The following IL1R1 variants were observed in gnomAD, a reference collection of about 807,000 sequenced individuals.
The protein encoded by IL1R1 is interleukin 1 receptor type 1, also known as interleukin-1 receptor type 1.
Under a neutral mutation model 50.2 loss-of-function variants are expected in IL1R1, and 22 were observed. The ratio of observed to expected loss-of-function variants is 0.44; its 90% CI spans 0.31 to 0.63. The LOEUF (loss-of-function observed/expected upper bound fraction) is 0.63, where lower values mean the gene tolerates loss of function less well. Among genes scored for constraint, IL1R1 ranks in the 20% least tolerant of loss-of-function variants. The pLI, the probability that IL1R1 is intolerant of heterozygous loss-of-function variation, is 0.07. For synonymous variants in IL1R1, 251 were observed against 236.7 expected, an observed-to-expected ratio of 1.06 and a Z score of -0.55; for missense variants, 509 against 676.2, an observed-to-expected ratio of 0.75 and a Z score of 2.74.
In IL1R1 at chr2:102,156,957, T is replaced by A. The variant is rs1170921461; in HGVS notation, c.-6-762T>A. Among the ~76,000 whole-genome samples, 3 of 152,222 alleles carry A rather than the reference T, an allele frequency of 2.0e-5. No homozygotes were observed. The East Asian group carries it at 5.8e-4, about 29-fold the overall frequency. ...GCTACGGATAAGAATATAGGCAAAT[T>A]TAATCTCCCGTAAAAATTAAAAGGC... is the stretch of plus-strand genomic sequence containing the variant. On this transcript the variant is annotated intron_variant, in intron 2 of 11. Coordinates refer to ENST00000410023, the MANE Select transcript of IL1R1 (RefSeq NM_000877.4).
At chr2:102,102,757 A>C (rs1249308363), upstream of IL1R1, among the ~76,000 whole-genome samples, 2 of 152,188 alleles carry the variant, frequency 1.3e-5, no homozygotes, top group African/African-American at 4.8e-5. Context: ...CTAAATGTTC[A>C]TCAGTGGTAG....
chr2:102,167,953 GA>G (rs1215146822), intron 6 of IL1R1, among the ~76,000 whole-genome samples: 2 of 151,854 alleles, frequency 1.3e-5, no homozygotes, highest in African/African-American at 2.4e-5. Context: ...ATACATTAGG[GA>G]AAAAAACAGA....
chr2:102,142,280 G>C (rs1435067545), upstream of IL1R1: 3 of 152,142 alleles, frequency 2.0e-5, no homozygotes, highest in Non-Finnish European at 2.9e-5. Flanking sequence ...GGAAACGGAG[G>C]TACAAAGAAA....
chr2:102,155,074 A>G (rs1176740251), intron 2 of IL1R1, among the ~76,000 whole-genome samples: 1 of 152,240 alleles, frequency 6.6e-6, no homozygotes, highest in Non-Finnish European at 1.5e-5. Context: ...TTTTGTTCCC[A>G]GAGCCAAATA....
chr2:102,109,101 A>G (rs1393482735), intron 1 of IL1R1, among the ~76,000 whole-genome samples: 1 of 152,150 alleles, frequency 6.6e-6, no homozygotes, highest in South Asian at 2.1e-4. Flanking sequence ...ACGGAAGCAC[A>G]GAGAGTGATT....
At chr2:102,163,478 T>C (rs563966324) in intron 3 of IL1R1, among the ~76,000 whole-genome samples, 2 of 152,292 alleles carry the variant, frequency 1.3e-5, no homozygotes, top group Middle Eastern at 3.4e-3. Flanking sequence ...TCTTTTTTTT[T>C]CCTGCAGTAT....
At chr2:102,072,392 C>A (rs889670492) in intron 1 of IL1R1, among the ~76,000 whole-genome samples, 1 of 152,044 alleles carries the variant, frequency 6.6e-6, no homozygotes, top group African/African-American at 2.4e-5. Context: ...AAAAGTTTGG[C>A]GCTTTATCCT....
At chr2:102,083,993 T>A (rs1679330970) in intron 1 of IL1R1, among the ~76,000 whole-genome samples, 1 of 152,202 alleles carries the variant, frequency 6.6e-6, no homozygotes, top group Non-Finnish European at 1.5e-5. Flanking sequence ...AAATATTAAT[T>A]TTGTTTTTGC....
chr2:102,074,201 C>G (rs980999144), intron 1 of IL1R1, among the ~76,000 whole-genome samples: 2 of 152,248 alleles, frequency 1.3e-5, no homozygotes, highest in African/African-American at 4.8e-5. Context: ...CCCCTACCCC[C>G]AGTCCAGAAA....
At chr2:102,156,715 G>A (rs1684229775) in intron 2 of IL1R1, among the ~76,000 whole-genome samples, 1 of 152,120 alleles carries the variant, frequency 6.6e-6, no homozygotes, top group African/African-American at 2.4e-5. Flanking sequence ...GTTTCATCAT[G>A]TTGGCCAGGC....
upstream of IL1R1, among the ~76,000 whole-genome samples, chr2:102,138,248 T>C (rs529755745): frequency 6.6e-6 from 1 of 152,304 alleles, no homozygotes; most frequent in African/African-American, 2.4e-5. Context: ...AGTACTTGGA[T>C]GTCGCCAAGT....
At chr2:102,154,533 G>C (rs994875763) in intron 2 of IL1R1, among the ~76,000 whole-genome samples, 3 of 152,048 alleles carry the variant, frequency 2.0e-5, no homozygotes, top group African/African-American at 7.2e-5. Context: ...ACCTCAGCGA[G>C]TCTGGCCCAG....
Position 102,179,711 on chromosome 2 carries a change from G to A in IL1R1, c.*2952G>A, listed in dbSNP as rs1686425215. 6.6e-6 allele frequency: 1 copy of A among 152,656 alleles called. No homozygotes were observed. The highest frequency in any genetic ancestry group is 2.4e-5 in the African/African-American group (1 of 41,414). 9.5% of individuals were successfully genotyped at this position (152,656 alleles called of 1,614,324 possible). On this transcript the variant is annotated 3_prime_UTR_variant, in exon 12 of 12. Coordinates refer to ENST00000410023, the MANE Select transcript of IL1R1 (RefSeq NM_000877.4). ...TTAAATGACATTTTTGATAAATTAT[G>A]TTTGTACTAGTTGATGAAGGAGTTT...
At chr2:102,169,083 A>G (rs1234491819) in intron 7 of IL1R1, among the ~76,000 whole-genome samples, 1 of 152,210 alleles carries the variant, frequency 6.6e-6, no homozygotes, top group African/African-American at 2.4e-5. Flanking sequence ...TTAAACAAAA[A>G]TTATATTTGA....
At chr2:102,145,588 T>C (rs2104458250) in intron 1 of IL1R1, among the ~76,000 whole-genome samples, 1 of 151,604 alleles carries the variant, frequency 6.6e-6, no homozygotes, top group East Asian at 1.9e-4. Flanking sequence ...GGACAGGGGG[T>C]CTCATAAATT....
At chr2:102,141,405 G>A (rs555358798), upstream of IL1R1, among the ~76,000 whole-genome samples, 2 of 152,324 alleles carry the variant, frequency 1.3e-5, no homozygotes, top group East Asian at 3.9e-4. Flanking sequence ...AATATTGAGA[G>A]CTGGGATTGT....
Position 102,166,190 on chromosome 2 carries a change from A to G in IL1R1, c.564A>G (p.Glu188=), listed in dbSNP as rs750853055. The part of the protein sequence containing the change: ...KDRLIVMNVA[E]KHRGNYTCHA... ...GGCTCATCGTGATGAATGTGGCTGA[A>G]AAGCATAGAGGGAACTATACTTGTC... Residue 188 remains glutamate (E), a synonymous_variant, in exon 6 of 12, where the codon GAA becomes GAG. Coordinates refer to ENST00000410023, the MANE Select transcript of IL1R1 (RefSeq NM_000877.4). The G allele has an allele frequency of 6.2e-7, 1 of 1,613,608 alleles. No individual in the cohort carries two copies. The highest frequency in any genetic ancestry group is 1.1e-5 in the South Asian group (1 of 91,070).
chr2:102,114,124 A>G (rs750075381), intron 1 of IL1R1, among the ~76,000 whole-genome samples: 3 of 152,214 alleles, frequency 2.0e-5, no homozygotes, highest in Non-Finnish European at 2.9e-5. Context: ...TGCCACTTCT[A>G]AGAGTTATCC....
chr2:102,111,611 A>G (rs1159719614), intron 1 of IL1R1, among the ~76,000 whole-genome samples: 1 of 152,214 alleles, frequency 6.6e-6, no homozygotes, highest in Non-Finnish European at 1.5e-5. Context: ...TAGAAAGATG[A>G]AGAAAATTCA....
Sources: gnomAD v4.1 joint callset for allele counts (sites outside exome capture counted in the v4.1 genomes callset) on GRCh38, gnomAD v4.1.1 for gene constraint, MANE v1.5 for transcripts, NCBI Gene and HGNC (gene_info 2026-07-23, HGNC 2026-07-21) for gene names.